The following ERBB4 variants were observed in gnomAD, a reference collection of about 807,000 sequenced individuals.
ERBB4 encodes receptor tyrosine-protein kinase erbB-4.
A neutral mutation model predicts 158.0 loss-of-function variants in ERBB4; 42 were observed. The observed-to-expected ratio is 0.27, with a 90% CI of 0.21 to 0.34. The LOEUF is 0.34. Among genes scored for constraint, ERBB4 ranks in the 10% least tolerant of loss-of-function variants. The pLI is 1.00. For synonymous variants in ERBB4, 583 were observed against 558.7 expected, an observed-to-expected ratio of 1.04 and a Z score of -0.61; for missense variants, 1,333 against 1,624.1, an observed-to-expected ratio of 0.82 and a Z score of 3.08.
intron 1 of ERBB4, among the ~76,000 whole-genome samples, chr2:212,370,296 C>A (rs1394802215): frequency 6.6e-6 from 1 of 152,176 alleles, no homozygotes; most frequent in East Asian, 1.9e-4. Flanking sequence ...GAGGCCTCCC[C>A]AGCCATGTGG....
chr2:211,992,054 C>T (rs1226355085), intron 2 of ERBB4, among the ~76,000 whole-genome samples: 1 of 152,152 alleles, frequency 6.6e-6, no homozygotes, highest in African/African-American at 2.4e-5. Context: ...ACCCTCCAAA[C>T]TGTTCCAACC....
In ERBB4 at chr2:211,665,491, A is replaced by C; in HGVS notation, c.1717-14T>G. 3.1e-6 allele frequency: 5 copies of C among 1,613,616 alleles called. No individual in the cohort carries two copies. The highest frequency in any genetic ancestry group is 3.4e-6 in the Non-Finnish European group (4 of 1,179,718). On this transcript the variant is annotated splice_polypyrimidine_tract_variant and intron_variant, in intron 14 of 27. Transcript: ENST00000342788. ...GTTGTCAGGACCCTGAAATGTGAAA[A>C]CGAAAAAAAAAGAAAAAAGAAAAGT...
At chr2:211,426,438 T>C (rs1231209987) in intron 22 of ERBB4, among the ~76,000 whole-genome samples, 3 of 152,232 alleles carry the variant, frequency 2.0e-5, no homozygotes, top group Non-Finnish European at 4.4e-5. Context: ...TCAACTATGA[T>C]ATATCACAAC....
intron 3 of ERBB4, among the ~76,000 whole-genome samples, chr2:211,844,349 A>T (rs1231220962): frequency 1.3e-5 from 2 of 152,212 alleles, no homozygotes; most frequent in Non-Finnish European, 2.9e-5. Flanking sequence ...TTTTTCACTT[A>T]TCTTCATAAC....
chr2:211,632,525 C>CA, intron 16 of ERBB4, among the ~76,000 whole-genome samples: 1 of 151,914 alleles, frequency 6.6e-6, no homozygotes, highest in Middle Eastern at 3.4e-3. Context: ...ATTTATTTTG[C>CA]AAAATAATAG....
chr2:211,501,858 G>A (rs1204702924), intron 20 of ERBB4, among the ~76,000 whole-genome samples: 1 of 152,016 alleles, frequency 6.6e-6, no homozygotes, highest in African/African-American at 2.4e-5. Flanking sequence ...CTATTCTGCT[G>A]TTATAAAGCA....
chr2:211,657,890 C>T (rs2071277967), intron 15 of ERBB4, 62 bp from the exon 16 acceptor site: 2 of 1,599,844 alleles, frequency 1.3e-6, no homozygotes, highest in Non-Finnish European at 1.7e-6. Flanking sequence ...CACACACATG[C>T]ACCAGTGCTC....
chr2:212,232,995 C>G (rs1701903869), intron 1 of ERBB4, among the ~76,000 whole-genome samples: 1 of 152,122 alleles, frequency 6.6e-6, no homozygotes, highest in Non-Finnish European at 1.5e-5. Flanking sequence ...ATCTTCAGGG[C>G]AATACTTATT....
chr2:211,758,426 C>A (rs916196612), intron 4 of ERBB4, among the ~76,000 whole-genome samples: 6 of 152,054 alleles, frequency 3.9e-5, no homozygotes, highest in Admixed American at 6.6e-5. Flanking sequence ...AGACTAAAAG[C>A]TTTTATATAT....
At chr2:212,243,659 C>T (rs2084200465) in intron 1 of ERBB4, among the ~76,000 whole-genome samples, 1 of 152,042 alleles carries the variant, frequency 6.6e-6, no homozygotes, top group Non-Finnish European at 1.5e-5. Flanking sequence ...ATCTAGATTA[C>T]TGTAATAGTT....
intron 20 of ERBB4, among the ~76,000 whole-genome samples, chr2:211,493,155 C>T (rs921588885): frequency 6.6e-6 from 1 of 152,062 alleles, no homozygotes; most frequent in African/African-American, 2.4e-5. Flanking sequence ...GTAGTTGCTT[C>T]GAACCATTTT....
At chr2:211,427,239 A>G (rs2063649342) in intron 22 of ERBB4, among the ~76,000 whole-genome samples, 2 of 152,144 alleles carry the variant, frequency 1.3e-5, no homozygotes, top group Admixed American at 1.3e-4. Flanking sequence ...ACAATGCAAA[A>G]AAGGTAAAAC....
At chr2:211,796,110 A>G (rs929633732) in intron 3 of ERBB4, among the ~76,000 whole-genome samples, 1 of 151,896 alleles carries the variant, frequency 6.6e-6, no homozygotes, top group African/African-American at 2.4e-5. Flanking sequence ...CAGCACTCAG[A>G]TCAAGAGCTT....
intron 15 of ERBB4, 67 bp downstream of exon 15, chr2:211,665,256 T>A: frequency 6.8e-7 from 1 of 1,472,056 alleles, no homozygotes; most frequent in Non-Finnish European, 9.5e-7. Context: ...TCAGAGATGG[T>A]ACCAGGGATA....
intron 1 of ERBB4, among the ~76,000 whole-genome samples, chr2:212,241,073 C>T (rs1206938185): frequency 6.6e-6 from 1 of 151,988 alleles, no homozygotes; most frequent in Non-Finnish European, 1.5e-5. Flanking sequence ...AGAAATTAAA[C>T]TTATTTCCAA....
chr2:212,066,587 T>C (rs2077954758), intron 2 of ERBB4, among the ~76,000 whole-genome samples: 1 of 152,010 alleles, frequency 6.6e-6, no homozygotes, highest in African/African-American at 2.4e-5. Flanking sequence ...AAATCTGATA[T>C]GTTTTAGTGT....
At chr2:212,280,568 T>A (rs1383932741) in intron 1 of ERBB4, among the ~76,000 whole-genome samples, 2 of 151,702 alleles carry the variant, frequency 1.3e-5, no homozygotes, top group Non-Finnish European at 3.0e-5. Context: ...TAAAAAGAGT[T>A]GCTCCTGAAC....
intron 2 of ERBB4, among the ~76,000 whole-genome samples, chr2:212,041,085 C>A (rs1454223016): frequency 6.6e-6 from 1 of 152,014 alleles, no homozygotes; most frequent in Non-Finnish European, 1.5e-5. Context: ...TACTTAACCT[C>A]TCTGCCTCAG....
At chr2:212,191,786 TA>T in intron 1 of ERBB4, among the ~76,000 whole-genome samples, 1 of 101,684 alleles carries the variant, frequency 9.8e-6, no homozygotes, top group Non-Finnish European at 2.0e-5. Context: ...ACGTGTGTTA[TA>T]TGTTCTATAT....
Sources: allele counts gnomAD v4.1 joint callset (sites outside exome capture counted in the v4.1 genomes callset), GRCh38; gene constraint gnomAD v4.1.1; transcripts MANE v1.5; gene names NCBI Gene and HGNC (gene_info 2026-07-23, HGNC 2026-07-21).